CYFIP1: variants seen among roughly 807,000 people sequenced by gnomAD.
CYFIP1 encodes the protein cytoplasmic FMR1 interacting protein 1.
Under a neutral mutation model 163.5 loss-of-function variants are expected in CYFIP1, and 58 were observed. That is an observed-to-expected ratio of 0.35 (90% CI 0.29 to 0.44). The LOEUF (loss-of-function observed/expected upper bound fraction) is 0.44. Among genes scored for constraint, CYFIP1 ranks in the 20% least tolerant of loss-of-function variants. The pLI is 1.00. For missense variants in CYFIP1, 1,338 were observed against 1,653.8 expected (o/e 0.81, Z 3.31); for synonymous variants, 663 against 660.7 (o/e 1.00, Z -0.05).
intron 16 of CYFIP1, among the ~76,000 whole-genome samples, chr15:22,915,937 C>T (rs1043593699): frequency 1.1e-4 from 16 of 152,276 alleles, no homozygotes; most frequent in Non-Finnish European, 2.2e-4. Context: ...CTATTTCCTC[C>T]AATACCTCGC....
chr15:22,918,935 G>T, intron 13 of CYFIP1, 77 bp from the exon 14 acceptor site: 1 of 1,213,872 alleles, frequency 8.2e-7, no homozygotes, highest in South Asian at 1.5e-5. Context: ...CATGCCGGGG[G>T]CTGCTCCTCC....
intron 23 of CYFIP1, among the ~76,000 whole-genome samples, chr15:22,891,144 G>A (rs969743546): frequency 1.3e-5 from 2 of 152,128 alleles, no homozygotes; most frequent in Admixed American, 6.5e-5. Context: ...ACTAAAGATG[G>A]CCAGGCGCAG....
chr15:22,930,796 G>GT (rs1195888927), intron 11 of CYFIP1, among the ~76,000 whole-genome samples: 1 of 152,160 alleles, frequency 6.6e-6, no homozygotes, highest in East Asian at 1.9e-4. Context: ...AAAGTAAAAA[G>GT]TTTATAAAGT....
At chr15:22,889,067 A>AAAAT (rs1555399987) in intron 23 of CYFIP1, among the ~76,000 whole-genome samples, 16 of 152,138 alleles carry the variant, frequency 1.1e-4, no homozygotes, top group African/African-American at 3.9e-4. Flanking sequence ...AAAAAAACAA[A>AAAAT]AAACAAAAAG....
intron 1 of CYFIP1, among the ~76,000 whole-genome samples, chr15:22,963,293 T>TCGGGCGTTCGAGAG (rs143085639): frequency 0.2 from 30,153 of 151,776 alleles, 3,198 homozygotes; most frequent in Non-Finnish European, 0.22. Context: ...TCACCTGAGG[T>TCGGGCGTTCGAGAG]CAGCCTGACC....
intron 11 of CYFIP1, 56 bp from the exon 12 acceptor site, chr15:22,928,084 C>G (rs1166795993): frequency 2.2e-5 from 31 of 1,436,268 alleles, no homozygotes; most frequent in Non-Finnish European, 2.7e-5. Context: ...CAGCTCCCCC[C>G]ATCCCGGGAT....
At chr15:22,943,462 GC>G in intron 5 of CYFIP1, 108 bp from the exon 6 acceptor site, 2 of 1,212,786 alleles carry the variant, frequency 1.6e-6, no homozygotes, top group Non-Finnish European at 2.3e-6. Flanking sequence ...GAAACGATCT[GC>G]CCAGTGAGGC....
At chr15:22,887,177 C>T (rs2059948266) in intron 23 of CYFIP1, among the ~76,000 whole-genome samples, 1 of 152,176 alleles carries the variant, frequency 6.6e-6, no homozygotes, top group South Asian at 2.1e-4. Context: ...AGCTGTAAGA[C>T]TCTGAGTTAT....
At position 22,964,353 on chromosome 15, in the gene CYFIP1, T is replaced by TCACACACACACACA. The variant is rs71117466; in HGVS notation, c.-7+15920_-7+15933dup. On this transcript the variant is annotated intron_variant, in intron 1 of 30. Coordinates refer to ENST00000617928, the MANE Select transcript of CYFIP1 (RefSeq NM_014608.6). ...CCAGCAGACTCCGCAACCTCATCAC[T>TCACACACACACACA]CACACACACACACACACACACACAC... Among the ~76,000 whole-genome samples the TCACACACACACACA allele has an allele frequency of 7.1e-4, 56 of 78,744 alleles. 1 individual carries two copies. Among genetic ancestry groups the TCACACACACACACA allele is most frequent in the South Asian group, 1.1e-3 (2 of 1,864 alleles). The allele number at this position is 78,744 out of a possible 152,430, so 51.7% of individuals were successfully genotyped here. A position where few individuals can be genotyped will look rare whatever the true frequency, so the allele number is the denominator to read the frequency against.
At chr15:22,890,538 T>A (rs1378888945) in intron 23 of CYFIP1, among the ~76,000 whole-genome samples, 1 of 152,200 alleles carries the variant, frequency 6.6e-6, no homozygotes, top group Non-Finnish European at 1.5e-5. Context: ...CCTGTCTGGA[T>A]GCCCTCCTGG....
intron 1 of CYFIP1, among the ~76,000 whole-genome samples, chr15:22,948,808 T>C (rs1252222850): frequency 7.2e-6 from 1 of 139,706 alleles, no homozygotes; most frequent in Non-Finnish European, 1.5e-5. Context: ...TACTGAAATG[T>C]AAAAAAAAAA....
chr15:22,874,822 C>A lies in CYFIP1; in HGVS notation c.3116-178G>T, dbSNP rs142517242. Among the ~76,000 whole-genome samples, 157 of 152,268 alleles carry A rather than the reference C, an allele frequency of 1.0e-3. No homozygotes were observed. The East Asian group carries it at 0.03, about 29-fold the overall frequency. ...AATATTTTAATTCAAACCGGCAGAA[C>A]CAATTTTCTGCTCAATATTCACTTT... On this transcript the variant is annotated intron_variant, in intron 27 of 30. Transcript: ENST00000617928.
chr15:22,909,048 A>C (rs947054232), intron 21 of CYFIP1, 146 bp downstream of exon 21: 1 of 1,025,172 alleles, frequency 9.8e-7, no homozygotes, highest in Non-Finnish European at 1.4e-6. Context: ...GGTATAGGCC[A>C]CGCCCAGTGA....
chr15:22,873,510 T>C lies in CYFIP1; in HGVS notation c.3430A>G (p.Thr1144Ala). Residue 1144 changes from threonine (T) to alanine (A), a missense_variant, in exon 29 of 31, where the codon ACA (threonine) becomes GCA (alanine). Coordinates refer to ENST00000617928, the MANE Select transcript of CYFIP1 (RefSeq NM_014608.6). Reference sequence around the variant, plus strand: ...ACTTACTCGACTGTGAACTCGTGTGTCCCCACGGGAATGCAGTAGACAAAC... The same window carrying C: ...ACTTACTCGACTGTGAACTCGTGTGCCCCCACGGGAATGCAGTAGACAAAC... ...MQFVYCIPVG[T>A]HEFTVEQCFG... is the part of the protein sequence containing the mutation. 2 of 1,613,946 alleles carry C rather than the reference T, an allele frequency of 1.2e-6. No homozygotes were observed. Among genetic ancestry groups the C allele is most frequent in the Non-Finnish European group, 8.5e-7 (1 of 1,179,834 alleles).
intron 1 of CYFIP1, among the ~76,000 whole-genome samples, chr15:22,968,702 G>T (rs530886017): frequency 6.6e-6 from 1 of 152,244 alleles, no homozygotes; most frequent in African/African-American, 2.4e-5. Flanking sequence ...TCCTTGACAG[G>T]AACAAGGCTA....
intron 1 of CYFIP1, among the ~76,000 whole-genome samples, chr15:22,958,162 T>A (rs890654689): frequency 6.6e-6 from 1 of 151,638 alleles, no homozygotes; most frequent in African/African-American, 2.4e-5. Context: ...CTCGGCTCAC[T>A]GCAACCTCTG....
chr15:22,867,818 G>A lies in CYFIP1; in HGVS notation c.*2210C>T, dbSNP rs975892396. 1.9e-4 allele frequency: 28 copies of A among 151,250 alleles called. No individual in the cohort carries two copies. Among genetic ancestry groups the A allele is most frequent in the African/African-American group, 6.5e-4 (27 of 41,296 alleles). 9.4% of individuals were successfully genotyped at this position (151,250 alleles called of 1,614,324 possible). A position where few individuals can be genotyped will look rare whatever the true frequency, so the allele number is the denominator to read the frequency against. ...AGTACTTTGCTTAAGAGCTCCTTTG[G>A]GCCACTACATATTTTGGTTTCTAGA... On this transcript the variant is annotated 3_prime_UTR_variant, in exon 31 of 31. Transcript: ENST00000617928.
chr15:22,957,937 G>A (rs1013153162), intron 1 of CYFIP1, among the ~76,000 whole-genome samples: 2 of 152,152 alleles, frequency 1.3e-5, no homozygotes, highest in African/African-American at 4.8e-5. Flanking sequence ...GGAAGCAGGG[G>A]ACCGCGCCAG....
chr15:22,925,730 C>T (rs758016109), intron 13 of CYFIP1, among the ~76,000 whole-genome samples: 18 of 152,120 alleles, frequency 1.2e-4, no homozygotes, highest in Non-Finnish European at 1.8e-4. Flanking sequence ...TCCCCGCACC[C>T]GACACTGCTC....
Sources: gnomAD v4.1 joint callset for allele counts (sites outside exome capture counted in the v4.1 genomes callset) on GRCh38, gnomAD v4.1.1 for gene constraint, MANE v1.5 for transcripts, NCBI Gene and HGNC (gene_info 2026-07-23, HGNC 2026-07-21) for gene names.